Variants in CPM observed in about 807,000 individuals in gnomAD.
CPM encodes renal carboxypeptidase.
Under a neutral mutation model 46.4 loss-of-function variants are expected in CPM, and 35 were observed. That is an observed-to-expected ratio of 0.75 (90% CI 0.58 to 1.00). The LOEUF (loss-of-function observed/expected upper bound fraction) is 1.00, where lower values mean the gene tolerates loss of function less well. CPM is among the 50% of genes least tolerant of loss of function. The probability of loss-of-function intolerance (pLI) is 0.00; values close to 1 mark genes in which losing one functional copy is unlikely to be tolerated. For synonymous variants in CPM, 195 were observed against 195.3 expected (o/e 1.00, Z 0.01); for missense variants, 422 against 530.4 (o/e 0.80, Z 2.01).
chr12:68,916,948 CTG>C (rs1887833647), intron 2 of CPM, among the ~76,000 whole-genome samples: 1 of 149,770 alleles, frequency 6.7e-6, no homozygotes, highest in South Asian at 2.1e-4. Context: ...GCAAAACTAA[CTG>C]TAAAATTATC....
intron 2 of CPM, among the ~76,000 whole-genome samples, chr12:68,921,699 T>A (rs2136307479): frequency 6.6e-6 from 1 of 152,230 alleles, no homozygotes; most frequent in Admixed American, 6.5e-5. Flanking sequence ...CAATTCTACC[T>A]CTCTAAGTTA....
chr12:68,919,250 A>G (rs1887936880), intron 2 of CPM, among the ~76,000 whole-genome samples: 1 of 152,238 alleles, frequency 6.6e-6, no homozygotes, highest in South Asian at 2.1e-4. Context: ...AAATACAGTG[A>G]CAAGTAGGAT....
chr12:68,932,307 T>C (rs1259534869), intron 2 of CPM, among the ~76,000 whole-genome samples: 2 of 152,228 alleles, frequency 1.3e-5, no homozygotes, highest in East Asian at 3.8e-4. Flanking sequence ...CCAAGTCATA[T>C]ATAAAGAAGC....
chr12:68,872,698 T>C (rs1885763535), intron 3 of CPM, among the ~76,000 whole-genome samples: 1 of 152,094 alleles, frequency 6.6e-6, no homozygotes, highest in Non-Finnish European at 1.5e-5. Flanking sequence ...TTATCATGTA[T>C]GTATTGGTGG....
rs570729048 is a variant in CPM at position 68,927,249 on chromosome 12, C to T, written c.160+5429G>A. Among the ~76,000 whole-genome samples, 171 of 150,692 alleles carry T rather than the reference C, an allele frequency of 1.1e-3. 4 individuals are homozygous for T. In the South Asian group the frequency reaches 0.028, roughly 24 times the overall value. ...TGTTGTTTCCTGACTTTTTAATGATCGCCATTCTAACTGGTGTGAGATGGT... is the reference window on the plus strand; with the variant it reads ...TGTTGTTTCCTGACTTTTTAATGATTGCCATTCTAACTGGTGTGAGATGGT... On this transcript the variant is annotated intron_variant, in intron 2 of 8. Transcript: ENST00000551568.
chr12:68,938,951 CTAAA>C (rs1416233409), intron 1 of CPM, among the ~76,000 whole-genome samples: 2 of 146,648 alleles, frequency 1.4e-5, no homozygotes, highest in African/African-American at 2.5e-5. Flanking sequence ...GTGTATATAT[CTAAA>C]TATACATAGT....
chr12:68,855,270 A>G lies in CPM; in HGVS notation c.*1167T>C, dbSNP rs1884913456. Reference sequence around the variant, plus strand: ...GTGGTCCCAGTAATTGAGAGAGAGAATGCAGCAGGAAGAGCAGCTCTAGGG... The same window carrying G: ...GTGGTCCCAGTAATTGAGAGAGAGAGTGCAGCAGGAAGAGCAGCTCTAGGG... On this transcript the variant is annotated 3_prime_UTR_variant, in exon 9 of 9. Coordinates refer to ENST00000551568, the MANE Select transcript of CPM (RefSeq NM_198320.5). The G allele has an allele frequency of 6.6e-6, 1 of 152,434 alleles. No individual in the cohort carries two copies. The highest frequency in any genetic ancestry group is 1.5e-5 in the Non-Finnish European group (1 of 68,314). 9.4% of individuals were successfully genotyped at this position (152,434 alleles called of 1,614,324 possible). A position where few individuals can be genotyped will look rare whatever the true frequency, so the allele number is the denominator to read the frequency against.
intron 3 of CPM, among the ~76,000 whole-genome samples, chr12:68,879,878 C>T (rs1886112693): frequency 6.6e-6 from 1 of 152,120 alleles, no homozygotes; most frequent in African/African-American, 2.4e-5. Flanking sequence ...CACATTTAGG[C>T]TGAGGATGTT....
intron 1 of CPM, among the ~76,000 whole-genome samples, chr12:68,941,964 A>C (rs1327179037): frequency 6.6e-6 from 1 of 152,216 alleles, no homozygotes; most frequent in African/African-American, 2.4e-5. Context: ...GGTTTTTGTT[A>C]AGGTCCAAGA....
At chr12:68,908,513 C>T (rs1887447185) in intron 2 of CPM, among the ~76,000 whole-genome samples, 1 of 151,860 alleles carries the variant, frequency 6.6e-6, no homozygotes, top group Non-Finnish European at 1.5e-5. Context: ...TCAAACTCCT[C>T]TTGGCTCTTT....
chr12:68,877,608 A>G (rs1380383106), intron 3 of CPM, among the ~76,000 whole-genome samples: 1 of 152,230 alleles, frequency 6.6e-6, no homozygotes, highest in Admixed American at 6.5e-5. Flanking sequence ...TGAATTAGAT[A>G]TTTCACCTGG....
At chr12:68,959,747 G>A (rs548937918) in intron 1 of CPM, among the ~76,000 whole-genome samples, 2 of 152,356 alleles carry the variant, frequency 1.3e-5, no homozygotes, top group Admixed American at 6.5e-5. Context: ...GAATAAGGAA[G>A]AAGTGAAGCA....
chr12:68,908,028 C>T (rs1467298909), intron 2 of CPM, among the ~76,000 whole-genome samples: 3 of 152,124 alleles, frequency 2.0e-5, no homozygotes, highest in Non-Finnish European at 4.4e-5. Context: ...GAGGTTTCAC[C>T]ATGTTGGCCA....
chr12:68,910,081 T>C (rs1887531893), intron 2 of CPM, among the ~76,000 whole-genome samples: 1 of 152,174 alleles, frequency 6.6e-6, no homozygotes, highest in African/African-American at 2.4e-5. Context: ...AAAAAATGCA[T>C]GTACTTTTTG....
chr12:68,878,889 A>G (rs1240236516), intron 3 of CPM, among the ~76,000 whole-genome samples: 1 of 152,234 alleles, frequency 6.6e-6, no homozygotes, highest in South Asian at 2.1e-4. Context: ...TCCCCAAAAA[A>G]GCAGAATTGC....
intron 2 of CPM, among the ~76,000 whole-genome samples, chr12:68,902,948 T>A (rs1887173733): frequency 1.3e-5 from 2 of 152,202 alleles, no homozygotes; most frequent in Non-Finnish European, 2.9e-5. Context: ...TCTACAAAAG[T>A]GACAAAAAGT....
Position 68,856,360 on chromosome 12 carries a change from G to C in CPM, c.*77C>G. The C allele has an allele frequency of 6.7e-7, 1 of 1,498,420 alleles. No individual in the cohort carries two copies. Among genetic ancestry groups the C allele is most frequent in the African/African-American group, 1.4e-5 (1 of 71,928 alleles). The allele number at this position is 1,498,420 out of a possible 1,614,324, so 92.8% of individuals were successfully genotyped here. ...TCTCCAGTCAAGGTCCCACTAGAGT[G>C]AGTTAGGGTTGCAGTAACCTGGAGT... On this transcript the variant is annotated 3_prime_UTR_variant, in exon 9 of 9. Coordinates refer to ENST00000551568, the MANE Select transcript of CPM (RefSeq NM_198320.5).
chr12:68,946,727 A>C (rs1460076713), intron 1 of CPM, among the ~76,000 whole-genome samples: 1 of 152,254 alleles, frequency 6.6e-6, no homozygotes, highest in East Asian at 1.9e-4. Flanking sequence ...GTTACAAAAG[A>C]AAACAGATGC....
At chr12:68,842,509 AATC>A (rs1456523510) in intron 5 of CPM, 2 of 383,054 alleles carry the variant, frequency 5.2e-6, no homozygotes, top group African/African-American at 4.3e-5. Flanking sequence ...GTGATTACAA[AATC>A]ATCTACATTG....
Sources: allele counts gnomAD v4.1 joint callset (sites outside exome capture counted in the v4.1 genomes callset), GRCh38; gene constraint gnomAD v4.1.1; transcripts MANE v1.5; gene names NCBI Gene and HGNC (gene_info 2026-07-23, HGNC 2026-07-21).